Variants in RGS17 observed in about 807,000 individuals in gnomAD.
RGS17 encodes the protein regulator of G protein signaling 17.
Under a neutral mutation model 25.5 loss-of-function variants are expected in RGS17, and 12 were observed. That is an observed-to-expected ratio of 0.47 (90% CI 0.30 to 0.76). RGS17 has a LOEUF of 0.76. RGS17 is among the 30% of genes least tolerant of loss of function. RGS17 has a pLI of 0.07. For synonymous variants in RGS17, 71 were observed against 76.9 expected (o/e 0.92, Z 0.40); for missense variants, 196 against 242.2 (o/e 0.81, Z 1.27).
rs946025931 is a variant in RGS17 at position 153,010,299 on chromosome 6, A to G, written c.*1275T>C. 17 of 152,024 alleles carry G rather than the reference A, an allele frequency of 1.1e-4. No individual in the cohort carries two copies. The highest frequency in any genetic ancestry group is 3.1e-4 in the African/African-American group (13 of 41,462). The allele number at this position is 152,024 out of a possible 1,614,324, so 9.4% of individuals were successfully genotyped here. ...TATTGTTTCCTTGAAGGTCAGAAGT[A>G]CATGACAATGTCAGGCAAGTGTTTT... On this transcript the variant is annotated 3_prime_UTR_variant, in exon 5 of 5. Transcript: ENST00000206262.
At chr6:153,017,836 T>A (rs1779199866) in intron 4 of RGS17, among the ~76,000 whole-genome samples, 1 of 152,332 alleles carries the variant, frequency 6.6e-6, no homozygotes, top group Middle Eastern at 3.4e-3. Context: ...TTTCCCTTTA[T>A]AAGTCCATAT....
intron 1 of RGS17, among the ~76,000 whole-genome samples, chr6:153,103,970 T>G (rs1192121046): frequency 6.6e-6 from 1 of 152,252 alleles, no homozygotes; most frequent in Non-Finnish European, 1.5e-5. Context: ...TATCATTGAT[T>G]GTAAAATGTG....
At chr6:153,089,599 G>T (rs1400466349) in intron 1 of RGS17, among the ~76,000 whole-genome samples, 1 of 151,882 alleles carries the variant, frequency 6.6e-6, no homozygotes, top group African/African-American at 2.4e-5. Flanking sequence ...TTCTGAAGTT[G>T]ATAAAGACGA....
In RGS17 at chr6:153,009,986, AC is replaced by A. The variant is rs1423086512; in HGVS notation, c.*1587del. 6.6e-6 allele frequency: 1 copy of A among 151,902 alleles called. No individual in the cohort carries two copies. Among genetic ancestry groups the A allele is most frequent in the Non-Finnish European group, 1.5e-5 (1 of 67,856 alleles). 9.4% of individuals were successfully genotyped at this position (151,902 alleles called of 1,614,324 possible). On this transcript the variant is annotated 3_prime_UTR_variant, in exon 5 of 5. Coordinates refer to ENST00000206262, the MANE Select transcript of RGS17 (RefSeq NM_012419.5). ...TCAAGTAAAATAAATTTAAAAAGAA[AC>A]CCCCAAACTTGTTTTTTTAAAAAAT...
chr6:153,070,792 CATACAT>C (rs1017985572), intron 1 of RGS17, among the ~76,000 whole-genome samples: 11 of 150,566 alleles, frequency 7.3e-5, no homozygotes, highest in African/African-American at 2.2e-4. Flanking sequence ...CATATATACA[CATACAT>C]ATACATATAC....
chr6:153,033,948 T>G (rs964933260), intron 2 of RGS17, among the ~76,000 whole-genome samples: 20 of 152,152 alleles, frequency 1.3e-4, no homozygotes, highest in African/African-American at 4.6e-4. Flanking sequence ...GGAGCAATAA[T>G]AGTGTGACTG....
intron 1 of RGS17, among the ~76,000 whole-genome samples, chr6:153,110,130 T>C (rs546457439): frequency 3.3e-5 from 5 of 152,326 alleles, no homozygotes; most frequent in East Asian, 1.9e-4. Flanking sequence ...AGAAGCTCCA[T>C]AGACCCAAAA....
rs74999488 is a variant in RGS17, at chr6:153,056,424, C to T, written c.-25-12381G>A. ...TCCCAAAGGTTAGAACATGGATTAA[C>T]GAATAGAAGCAATAGAAAGACTCTT... On this transcript the variant is annotated intron_variant, in intron 1 of 4. Transcript: ENST00000206262. Among the ~76,000 whole-genome samples the T allele has an allele frequency of 9.6e-3, 1,457 of 152,180 alleles. 31 individuals are homozygous for T. The highest frequency in any genetic ancestry group is 0.033 in the African/African-American group (1,386 of 41,522).
At chr6:153,115,990 T>TTGTGTGC (rs1777537979) in intron 1 of RGS17, among the ~76,000 whole-genome samples, 1 of 152,084 alleles carries the variant, frequency 6.6e-6, no homozygotes, top group African/African-American at 2.4e-5. Context: ...ACCTAGGCAA[T>TTGTGTGC]ACCATTCAGG....
At chr6:153,040,791 A>T (rs756243584) in intron 2 of RGS17, among the ~76,000 whole-genome samples, 2 of 152,034 alleles carry the variant, frequency 1.3e-5, no homozygotes, top group African/African-American at 4.8e-5. Context: ...GGACATTTTC[A>T]TTTGCAATAA....
At chr6:153,049,699 C>A (rs776444574) in intron 1 of RGS17, among the ~76,000 whole-genome samples, 3 of 151,856 alleles carry the variant, frequency 2.0e-5, no homozygotes, top group African/African-American at 7.3e-5. Flanking sequence ...TGCAGTGAGC[C>A]GAGATCGCAC....
At chr6:153,120,854 TTGTC>T (rs1376520082) in intron 1 of RGS17, among the ~76,000 whole-genome samples, 4 of 147,084 alleles carry the variant, frequency 2.7e-5, no homozygotes, top group Non-Finnish European at 4.5e-5. Flanking sequence ...ACACCTTTCT[TTGTC>T]TGTCAAAATT....
chr6:153,026,479 C>A lies in RGS17; in HGVS notation c.184G>T (p.Glu62Ter). 1 of 1,613,068 alleles carries A rather than the reference C, an allele frequency of 6.2e-7. No individual in the cohort carries two copies. The highest frequency in any genetic ancestry group is 8.5e-7 in the Non-Finnish European group (1 of 1,179,260). ...AGRPTHTTKM[E>*]SIQVLEECQN... ...CATTCCTCTAGGACCTGGATACTCTCCATTTTTGTAGTGTGTGTGGGTCTT... is the reference window on the plus strand; with the variant it reads ...CATTCCTCTAGGACCTGGATACTCTACATTTTTGTAGTGTGTGTGGGTCTT... Residue 62 changes from glutamate to a stop codon, truncating the protein, a stop_gained, in exon 3 of 5, where the codon GAG becomes TAG. Transcript: ENST00000206262. LOFTEE classifies it high-confidence loss of function.
chr6:153,128,378 T>G (rs534195096), intron 1 of RGS17, among the ~76,000 whole-genome samples: 62 of 152,254 alleles, frequency 4.1e-4, no homozygotes, highest in African/African-American at 1.4e-3. Flanking sequence ...GAAACAGGAT[T>G]CTCAGCAGAA....
chr6:153,039,075 G>A (rs924295255), intron 2 of RGS17, among the ~76,000 whole-genome samples: 1 of 152,106 alleles, frequency 6.6e-6, no homozygotes, highest in African/African-American at 2.4e-5. Flanking sequence ...GGGCAATACC[G>A]GGAGAGCATG....
intron 1 of RGS17, among the ~76,000 whole-genome samples, chr6:153,121,280 T>C (rs914731908): frequency 3.3e-5 from 5 of 152,210 alleles, no homozygotes; most frequent in African/African-American, 1.2e-4. Context: ...TTTCCTTTGT[T>C]GCTGCCTCTC....
At chr6:153,019,386 C>A (rs1419337390) in intron 4 of RGS17, among the ~76,000 whole-genome samples, 1 of 152,132 alleles carries the variant, frequency 6.6e-6, no homozygotes, top group Admixed American at 6.5e-5. Context: ...TTGATAAGAG[C>A]CTCTAAGTAG....
intron 1 of RGS17, among the ~76,000 whole-genome samples, chr6:153,080,650 TTC>T (rs1407606140): frequency 1.3e-5 from 2 of 152,100 alleles, no homozygotes; most frequent in South Asian, 2.1e-4. Context: ...GAACTAAAAT[TTC>T]TCTTATTATT....
intron 1 of RGS17, among the ~76,000 whole-genome samples, chr6:153,086,899 T>G (rs1303849695): frequency 6.6e-6 from 1 of 152,174 alleles, no homozygotes; most frequent in African/African-American, 2.4e-5. Flanking sequence ...TAATTTACAC[T>G]TTTTTTGGTC....
Sources: allele counts gnomAD v4.1 joint callset (sites outside exome capture counted in the v4.1 genomes callset), GRCh38; gene constraint gnomAD v4.1.1; transcripts MANE v1.5; gene names NCBI Gene and HGNC (gene_info 2026-07-23, HGNC 2026-07-21).